The following PDE3A variants were observed in gnomAD, a reference collection of about 807,000 sequenced individuals.
PDE3A encodes phosphodiesterase 3A.
Under a neutral mutation model 98.3 loss-of-function variants are expected in PDE3A, and 43 were observed. That is an observed-to-expected ratio of 0.44 (90% CI 0.34 to 0.56). The LOEUF is 0.56. PDE3A is among the 20% of genes least tolerant of loss of function. The pLI, the probability that PDE3A is intolerant of heterozygous loss-of-function variation, is 0.01. For synonymous variants in PDE3A, 663 were observed against 567.9 expected, an observed-to-expected ratio of 1.17 and a Z score of -2.38; for missense variants, 1,427 against 1,440.7, an observed-to-expected ratio of 0.99 and a Z score of 0.15.
At chr12:20,599,786 A>G (rs1943545114) in intron 2 of PDE3A, among the ~76,000 whole-genome samples, 1 of 152,078 alleles carries the variant, frequency 6.6e-6, no homozygotes. Context: ...TCCATTTTAC[A>G]GCCAGTTTTC....
chr12:20,642,704 C>G lies in PDE3A; in HGVS notation c.2251+2747C>G, dbSNP rs1325670704. Reference sequence around the variant, plus strand: ...CATGGCAGCAATGAGAATAGTCCTGCTCAACCTATATTTAGTTCAGTTCAA... The same window carrying G: ...CATGGCAGCAATGAGAATAGTCCTGGTCAACCTATATTTAGTTCAGTTCAA... On this transcript the variant is annotated intron_variant, in intron 10 of 15. Transcript: ENST00000359062. Among the ~76,000 whole-genome samples, 4 of 152,244 alleles carry G rather than the reference C, an allele frequency of 2.6e-5. No homozygotes were observed. In the East Asian group the frequency reaches 7.7e-4, roughly 29 times the overall value.
chr12:20,636,837 T>C (rs973210563), intron 8 of PDE3A, among the ~76,000 whole-genome samples: 27 of 152,320 alleles, frequency 1.8e-4, no homozygotes, highest in Admixed American at 7.8e-4. Flanking sequence ...TCCGTGTTTT[T>C]GCTGGAGTGT....
intron 2 of PDE3A, among the ~76,000 whole-genome samples, chr12:20,575,337 T>C (rs937688148): frequency 6.6e-6 from 1 of 152,008 alleles, no homozygotes; most frequent in African/African-American, 2.4e-5. Flanking sequence ...TTATGGCTAA[T>C]ATAGTATTTG....
chr12:20,455,598 T>C (rs1945140219), intron 1 of PDE3A, among the ~76,000 whole-genome samples: 1 of 152,220 alleles, frequency 6.6e-6, no homozygotes, highest in Non-Finnish European at 1.5e-5. Context: ...CTCTTGTTTG[T>C]TATGGAATTC....
At chr12:20,541,075 C>CTTTTTTTTTTTTTTTTTTTTTTT (rs777927679) in intron 1 of PDE3A, among the ~76,000 whole-genome samples, 1 of 52,958 alleles carries the variant, frequency 1.9e-5, no homozygotes, top group Non-Finnish European at 3.5e-5. Flanking sequence ...TGGTAACTTT[C>CTTTTTTTTTTTTTTTTTTTTTTT]TTTTTTTTTT....
At chr12:20,674,373 A>C (rs1460973853) in intron 15 of PDE3A, among the ~76,000 whole-genome samples, 1 of 152,184 alleles carries the variant, frequency 6.6e-6, no homozygotes, top group Non-Finnish European at 1.5e-5. Flanking sequence ...GTCCTTTTCT[A>C]GTTCTTAGAG....
In PDE3A at chr12:20,592,351, T is replaced by C. The variant is rs113442064; in HGVS notation, c.1012-21092T>C. ...TTTCAGAATTACCTTTCTTTAAAGG[T>C]ATAAATTGTCATCCTGCAGTAAATA... On this transcript the variant is annotated intron_variant, in intron 2 of 15. Coordinates refer to ENST00000359062, the MANE Select transcript of PDE3A (RefSeq NM_000921.5). Among the ~76,000 whole-genome samples, 64 of 152,280 alleles carry C rather than the reference T, an allele frequency of 4.2e-4. 1 individual carries two copies. Among genetic ancestry groups the C allele is most frequent in the African/African-American group, 1.5e-3 (61 of 41,552 alleles).
rs569838825 is a variant in PDE3A, at chr12:20,641,875, C to T, written c.2251+1918C>T. On this transcript the variant is annotated intron_variant, in intron 10 of 15. Coordinates refer to ENST00000359062, the MANE Select transcript of PDE3A (RefSeq NM_000921.5). ...TTCTATTAGAAGTCCCAGATAGTCT[C>T]CATAAAGGGAATTTATTTACATCTT... Among the ~76,000 whole-genome samples, 307 of 152,178 alleles carry T rather than the reference C, an allele frequency of 2.0e-3. 3 individuals carry two copies. The highest frequency in any genetic ancestry group is 0.01 in the Middle Eastern group (3 of 290).
chr12:20,620,122 A>C (rs1592119202), intron 4 of PDE3A, among the ~76,000 whole-genome samples: 1 of 152,140 alleles, frequency 6.6e-6, no homozygotes, highest in Non-Finnish European at 1.5e-5. Context: ...AGAGGGAACC[A>C]TTTTAGCTCT....
intron 1 of PDE3A, among the ~76,000 whole-genome samples, chr12:20,439,002 T>A (rs930406190): frequency 1.3e-5 from 2 of 151,854 alleles, no homozygotes; most frequent in African/African-American, 4.8e-5. Context: ...ACCATGTTGG[T>A]CAGGGTGGTC....
At position 20,536,007 on chromosome 12, in the gene PDE3A, C is replaced by A. The variant is rs1941738737; in HGVS notation, c.961-20653C>A. ...TTCAGTGGAGTATTATGCCTGGAGC[C>A]AATTTTGAAATAAAAACAATGTAAG... On this transcript the variant is annotated intron_variant, in intron 1 of 15. Transcript: ENST00000359062. 4.6e-5 allele frequency among the ~76,000 whole-genome samples: 7 copies of A among 151,966 alleles called. No individual in the cohort carries two copies. The South Asian group carries it at 1.5e-3, about 32-fold the overall frequency.
At chr12:20,663,766 C>A (rs993698259) in intron 15 of PDE3A, among the ~76,000 whole-genome samples, 2 of 152,070 alleles carry the variant, frequency 1.3e-5, no homozygotes, top group Non-Finnish European at 2.9e-5. Context: ...TCAGATGAGA[C>A]CTTGGACTTG....
At chr12:20,632,352 C>G (rs982943542) in intron 6 of PDE3A, among the ~76,000 whole-genome samples, 1 of 151,874 alleles carries the variant, frequency 6.6e-6, no homozygotes, top group South Asian at 2.1e-4. Flanking sequence ...GAGCACAATT[C>G]AGGAAAAAAA....
intron 1 of PDE3A, among the ~76,000 whole-genome samples, chr12:20,509,026 C>A (rs1304336152): frequency 6.6e-6 from 1 of 152,036 alleles, no homozygotes; most frequent in Non-Finnish European, 1.5e-5. Context: ...CCCTCACCAA[C>A]ATGTGTATTC....
At chr12:20,638,739 A>T (rs555017699) in intron 9 of PDE3A, among the ~76,000 whole-genome samples, 282 of 151,998 alleles carry the variant, frequency 1.9e-3, no homozygotes, top group Non-Finnish European at 1.3e-3. Context: ...TCTTGATTTT[A>T]TTTTTTTGCT....
chr12:20,622,665 C>T (rs746902506), intron 5 of PDE3A, among the ~76,000 whole-genome samples: 35 of 152,092 alleles, frequency 2.3e-4, no homozygotes, highest in Non-Finnish European at 7.4e-5. Flanking sequence ...AAGGCAAATA[C>T]GGATTTGCTC....
At chr12:20,649,781 C>T (rs944552058) in intron 13 of PDE3A, among the ~76,000 whole-genome samples, 5 of 151,926 alleles carry the variant, frequency 3.3e-5, no homozygotes, top group Non-Finnish European at 7.4e-5. Context: ...CAAAAATTGG[C>T]CAGGTGTGGT....
At chr12:20,584,335 A>G (rs919555570) in intron 2 of PDE3A, among the ~76,000 whole-genome samples, 1 of 152,240 alleles carries the variant, frequency 6.6e-6, no homozygotes. Flanking sequence ...TCCAACAAGC[A>G]GTACATGACA....
intron 1 of PDE3A, among the ~76,000 whole-genome samples, chr12:20,427,340 G>C (rs1357580728): frequency 6.6e-6 from 1 of 152,132 alleles, no homozygotes; most frequent in Non-Finnish European, 1.5e-5. Context: ...GTACACTAAG[G>C]GTTATTTTTA....
Sources: allele counts gnomAD v4.1 joint callset (sites outside exome capture counted in the v4.1 genomes callset), GRCh38; gene constraint gnomAD v4.1.1; transcripts MANE v1.5; gene names NCBI Gene and HGNC (gene_info 2026-07-23, HGNC 2026-07-21).